Variants in CDH12 observed in about 807,000 individuals in gnomAD.
CDH12 encodes cadherin-12.
Under a neutral mutation model 74.1 loss-of-function variants are expected in CDH12, and 41 were observed. The ratio of observed to expected loss-of-function variants is 0.55; its 90% CI spans 0.43 to 0.72. The LOEUF (loss-of-function observed/expected upper bound fraction) is 0.72. CDH12 is among the 30% of genes least tolerant of loss of function. The pLI is 0.00. For missense variants in CDH12, 945 were observed against 977.2 expected (o/e 0.97, Z 0.44); for synonymous variants, 399 against 355.0 (o/e 1.12, Z -1.39).
intron 4 of CDH12, among the ~76,000 whole-genome samples, chr5:22,140,222 T>A (rs1006460722): frequency 6.6e-6 from 1 of 152,134 alleles, no homozygotes; most frequent in Admixed American, 6.6e-5. Flanking sequence ...CTCCAAGGTA[T>A]ACCTAAGTGT....
At chr5:22,554,816 G>T (rs1364389466) in intron 1 of CDH12, among the ~76,000 whole-genome samples, 1 of 151,856 alleles carries the variant, frequency 6.6e-6, no homozygotes, top group Non-Finnish European at 1.5e-5. Flanking sequence ...ATTTACCATT[G>T]ATAAGAAATA....
chr5:22,471,489 C>T (rs972469614), intron 2 of CDH12, among the ~76,000 whole-genome samples: 1 of 152,134 alleles, frequency 6.6e-6, no homozygotes, highest in Non-Finnish European at 1.5e-5. Context: ...ATACTATCTC[C>T]TATCTTAAAA....
intron 6 of CDH12, among the ~76,000 whole-genome samples, chr5:21,940,428 A>C (rs1044674655): frequency 6.6e-6 from 1 of 152,192 alleles, no homozygotes; most frequent in Non-Finnish European, 1.5e-5. Context: ...TATTGAACAT[A>C]ATTGTGGAAA....
chr5:22,570,636 T>G (rs1008295545), intron 1 of CDH12, among the ~76,000 whole-genome samples: 8 of 152,172 alleles, frequency 5.3e-5, no homozygotes, highest in African/African-American at 1.9e-4. Flanking sequence ...TTTATAGAGC[T>G]TACACAGAGT....
At chr5:22,553,098 A>C (rs765146811) in intron 1 of CDH12, among the ~76,000 whole-genome samples, 2 of 152,124 alleles carry the variant, frequency 1.3e-5, no homozygotes, top group African/African-American at 2.4e-5. Context: ...AAGATAAATA[A>C]GGGAATGTTT....
chr5:22,172,799 T>G (rs1362855553), intron 4 of CDH12, among the ~76,000 whole-genome samples: 1 of 151,790 alleles, frequency 6.6e-6, no homozygotes, highest in East Asian at 1.9e-4. Context: ...TAATTTATTT[T>G]AATTTTAAAT....
chr5:22,768,763 A>T (rs775382704), intron 1 of CDH12, among the ~76,000 whole-genome samples: 1 of 152,128 alleles, frequency 6.6e-6, no homozygotes, highest in East Asian at 1.9e-4. Flanking sequence ...TTTGCACCTC[A>T]TTTTAAAAAA....
At chr5:22,535,912 C>T (rs751702629) in intron 1 of CDH12, among the ~76,000 whole-genome samples, 1 of 152,140 alleles carries the variant, frequency 6.6e-6, no homozygotes, top group Non-Finnish European at 1.5e-5. Flanking sequence ...TGGTACTGAA[C>T]ACATACAGAC....
At chr5:22,385,135 A>C (rs1741945488) in intron 3 of CDH12, among the ~76,000 whole-genome samples, 1 of 152,190 alleles carries the variant, frequency 6.6e-6, no homozygotes, top group Non-Finnish European at 1.5e-5. Flanking sequence ...AGTCAAATTT[A>C]ATACCTTAAA....
intron 4 of CDH12, among the ~76,000 whole-genome samples, chr5:22,144,466 A>G (rs1015615447): frequency 3.3e-5 from 5 of 152,202 alleles, no homozygotes; most frequent in African/African-American, 1.2e-4. Flanking sequence ...CAATAAAGAC[A>G]CATAGATTTG....
chr5:22,796,564 G>A (rs1157035105), intron 1 of CDH12, among the ~76,000 whole-genome samples: 1 of 128,060 alleles, frequency 7.8e-6, no homozygotes, highest in Non-Finnish European at 1.6e-5. Flanking sequence ...CTGTCGCCCA[G>A]GCTGGAGTGC....
At chr5:22,434,664 G>C (rs916145651) in intron 2 of CDH12, among the ~76,000 whole-genome samples, 1 of 151,960 alleles carries the variant, frequency 6.6e-6, no homozygotes, top group South Asian at 2.1e-4. Flanking sequence ...TTTATATAAC[G>C]TCATTTTAAT....
chr5:22,645,368 A>C (rs1166494996), intron 1 of CDH12, among the ~76,000 whole-genome samples: 2 of 152,106 alleles, frequency 1.3e-5, no homozygotes, highest in East Asian at 3.9e-4. Context: ...GATGTGGTAG[A>C]AACTGCAAGA....
chr5:22,844,957 T>C (rs1737234821), intron 1 of CDH12, among the ~76,000 whole-genome samples: 2 of 152,128 alleles, frequency 1.3e-5, no homozygotes, highest in African/African-American at 4.8e-5. Context: ...CTCTGTTCTC[T>C]TCATATAACA....
At chr5:22,289,583 G>T (rs369209478) in intron 3 of CDH12, among the ~76,000 whole-genome samples, 1 of 152,092 alleles carries the variant, frequency 6.6e-6, no homozygotes, top group Non-Finnish European at 1.5e-5. Flanking sequence ...CTACAAAAAA[G>T]AATACTTTCC....
intron 1 of CDH12, among the ~76,000 whole-genome samples, chr5:22,742,044 G>T: frequency 6.6e-6 from 1 of 152,208 alleles, no homozygotes; most frequent in African/African-American, 2.4e-5. Context: ...AGCTGGGCAT[G>T]ATGGCAGGTG....
At chr5:22,622,433 G>C (rs1738024138) in intron 1 of CDH12, among the ~76,000 whole-genome samples, 1 of 152,120 alleles carries the variant, frequency 6.6e-6, no homozygotes, top group African/African-American at 2.4e-5. Flanking sequence ...ACTGGGACCT[G>C]CTCCTGATTC....
chr5:21,858,311 C>T (rs75217169), intron 6 of CDH12, among the ~76,000 whole-genome samples: 2,948 of 151,830 alleles, frequency 0.019, 89 homozygotes, highest in African/African-American at 0.067. Flanking sequence ...CTCAGTAATT[C>T]GCAAGCAAAC....
In CDH12 at chr5:22,161,414, C is replaced by T. The variant is rs552947364; in HGVS notation, c.-187+51084G>A. Among the ~76,000 whole-genome samples, 3 of 152,208 alleles carry T rather than the reference C, an allele frequency of 2.0e-5. No individual in the cohort carries two copies. The East Asian group carries it at 5.8e-4, about 29-fold the overall frequency. ...TCAAAAACAACCTAAAGAAAAATAT[C>T]TGGCTGGGCATGTTAGCTCACACTT... On this transcript the variant is annotated intron_variant, in intron 4 of 14. Transcript: ENST00000382254.
Sources: gnomAD v4.1 joint callset for allele counts (sites outside exome capture counted in the v4.1 genomes callset) on GRCh38, gnomAD v4.1.1 for gene constraint, MANE v1.5 for transcripts, NCBI Gene and HGNC (gene_info 2026-07-23, HGNC 2026-07-21) for gene names.